The following ZNF148 variants were observed in gnomAD, a reference collection of about 807,000 sequenced individuals.
The protein encoded by ZNF148 is Beta-Enolase Repressor Factor-1.
In ZNF148, 7 loss-of-function variants were observed where a neutral mutation model predicts 67.7. The observed-to-expected ratio is 0.10, with a 90% CI of 0.06 to 0.19. The LOEUF (loss-of-function observed/expected upper bound fraction) is 0.19. Among genes scored for constraint, ZNF148 ranks in the 10% least tolerant of loss-of-function variants. ZNF148 has a pLI of 1.00. For missense variants in ZNF148, 583 were observed against 947.1 expected, an observed-to-expected ratio of 0.62 and a Z score of 5.05; for synonymous variants, 333 against 330.7, an observed-to-expected ratio of 1.01 and a Z score of -0.08.
At chr3:125,345,331 TA>T (rs748722340) in intron 1 of ZNF148, among the ~76,000 whole-genome samples, 21 of 151,988 alleles carry the variant, frequency 1.4e-4, no homozygotes, top group Non-Finnish European at 2.5e-4. Context: ...TAAATATACA[TA>T]AAAATAAATG....
At chr3:125,322,495 A>AAGTT (rs57888379) in intron 3 of ZNF148, among the ~76,000 whole-genome samples, 116,597 of 151,386 alleles carry the variant, frequency 0.77, 45,435 homozygotes, top group African/African-American at 0.85. Context: ...TGACGTGACA[A>AAGTT]AGAGCCAGAG....
At chr3:125,289,885 A>AT (rs1938912651) in intron 4 of ZNF148, among the ~76,000 whole-genome samples, 5 of 152,226 alleles carry the variant, frequency 3.3e-5, no homozygotes, top group Admixed American at 3.3e-4. Context: ...AGTAAAAAAG[A>AT]TTAACACGTA....
chr3:125,350,431 C>CA (rs748961367), intron 1 of ZNF148, among the ~76,000 whole-genome samples: 6 of 152,318 alleles, frequency 3.9e-5, no homozygotes, highest in Non-Finnish European at 7.3e-5. Context: ...TCGGCCTCCC[C>CA]AGGTGCTGGG....
At chr3:125,268,816 C>CA (rs909637399) in intron 7 of ZNF148, among the ~76,000 whole-genome samples, 12 of 151,432 alleles carry the variant, frequency 7.9e-5, no homozygotes, top group South Asian at 6.3e-4. Flanking sequence ...CTGATCTCTA[C>CA]AAAAAAAACT....
intron 1 of ZNF148, among the ~76,000 whole-genome samples, chr3:125,332,780 C>G (rs1941341858): frequency 6.6e-6 from 1 of 152,210 alleles, no homozygotes; most frequent in Non-Finnish European, 1.5e-5. Context: ...CTGCCTGATT[C>G]ATGAATAGTT....
intron 1 of ZNF148, among the ~76,000 whole-genome samples, chr3:125,368,011 A>G (rs1276323975): frequency 2.6e-5 from 4 of 152,226 alleles, no homozygotes; most frequent in Non-Finnish European, 1.5e-5. Context: ...TAGGGCTGCA[A>G]GAGGAATTTG....
chr3:125,294,087 T>C (rs1320425211), intron 4 of ZNF148, among the ~76,000 whole-genome samples: 1 of 152,162 alleles, frequency 6.6e-6, no homozygotes, highest in African/African-American at 2.4e-5. Context: ...ACATCACTTC[T>C]GTGGGTAGTC....
intron 1 of ZNF148, among the ~76,000 whole-genome samples, chr3:125,343,101 G>C (rs992985132): frequency 3.3e-5 from 5 of 152,188 alleles, no homozygotes; most frequent in Non-Finnish European, 5.9e-5. Flanking sequence ...AATTTCTGTA[G>C]AAGATTCATC....
At chr3:125,339,974 G>C (rs1193946513) in intron 1 of ZNF148, among the ~76,000 whole-genome samples, 1 of 152,078 alleles carries the variant, frequency 6.6e-6, no homozygotes, top group Non-Finnish European at 1.5e-5. Context: ...TTCCAGTTCA[G>C]ATAAAATGGC....
chr3:125,249,624 CAA>C (rs1007263858), intron 7 of ZNF148, among the ~76,000 whole-genome samples: 1 of 150,100 alleles, frequency 6.7e-6, no homozygotes, highest in Admixed American at 6.6e-5. Flanking sequence ...CCTAAAAAAA[CAA>C]AAAAAAACTA....
chr3:125,240,113 T>A (rs1936281034), intron 7 of ZNF148, among the ~76,000 whole-genome samples: 1 of 152,238 alleles, frequency 6.6e-6, no homozygotes, highest in African/African-American at 2.4e-5. Flanking sequence ...ACGTTATTTT[T>A]AAATATGCAT....
At chr3:125,348,927 A>G (rs1250845792) in intron 1 of ZNF148, among the ~76,000 whole-genome samples, 1 of 152,164 alleles carries the variant, frequency 6.6e-6, no homozygotes, top group Non-Finnish European at 1.5e-5. Flanking sequence ...CCAGAAATAA[A>G]CCCAGGCATA....
At chr3:125,299,660 T>C (rs952544911) in intron 4 of ZNF148, among the ~76,000 whole-genome samples, 6 of 152,098 alleles carry the variant, frequency 3.9e-5, no homozygotes, top group Non-Finnish European at 8.8e-5. Context: ...GTCAACTCCC[T>C]AAAACAATCT....
chr3:125,360,976 A>G (rs896237986), intron 1 of ZNF148, among the ~76,000 whole-genome samples: 6 of 151,914 alleles, frequency 3.9e-5, no homozygotes, highest in Non-Finnish European at 5.9e-5. Flanking sequence ...GGCTGCAGTG[A>G]GCCATGACTG....
chr3:125,345,785 C>G (rs1941918294), intron 1 of ZNF148, among the ~76,000 whole-genome samples: 1 of 151,880 alleles, frequency 6.6e-6, no homozygotes, highest in South Asian at 2.1e-4. Context: ...TATAAATAAC[C>G]CCATAGCCAT....
chr3:125,322,114 A>G (rs986385828), intron 3 of ZNF148, among the ~76,000 whole-genome samples: 9 of 136,266 alleles, frequency 6.6e-5, no homozygotes, highest in East Asian at 2.1e-4. Context: ...ACTGCAAGCT[A>G]TGCCTCCCAG....
rs755694460 is a variant in ZNF148 at position 125,233,396 on chromosome 3, T to C, written c.1330A>G (p.Ile444Val). The C allele has an allele frequency of 8.1e-6, 13 of 1,613,868 alleles. No homozygotes were observed. The highest frequency in any genetic ancestry group is 2.2e-5 in the East Asian group (1 of 44,886). ...TCCTGCAAATTATCAACCTGATCAATGTCAGCATTGCCTTCTGAGTCCAGT... is the reference window on the plus strand; with the variant it reads ...TCCTGCAAATTATCAACCTGATCAACGTCAGCATTGCCTTCTGAGTCCAGT... The part of the protein sequence containing the change: ...ALLDSEGNAD[I>V]DQVDNLQEGP... The change falls in exon 9 of 9, where the codon ATT becomes GTT. Residue 444 changes from isoleucine to valine, a missense_variant. Ile to Val is a conservative substitution (Grantham distance 29). This residue lies in a region of ZNF148 where 172 missense variants were observed against 307.7 expected (regional missense o/e 0.56). Coordinates refer to ENST00000360647, the MANE Select transcript of ZNF148 (RefSeq NM_021964.3). This position sits in a 1 kb window ranked among gnomAD's most constrained non-coding sequence, Gnocchi z 5.1.
intron 4 of ZNF148, among the ~76,000 whole-genome samples, chr3:125,306,725 T>C (rs902531148): frequency 5.9e-5 from 9 of 152,068 alleles, no homozygotes; most frequent in Non-Finnish European, 1.3e-4. Flanking sequence ...CCTGATGTGA[T>C]GACATGTGTG....
At chr3:125,364,205 C>T (rs979914658) in intron 1 of ZNF148, among the ~76,000 whole-genome samples, 7 of 152,098 alleles carry the variant, frequency 4.6e-5, no homozygotes, top group African/African-American at 1.7e-4. Flanking sequence ...TTGAGAAAAG[C>T]CTGGCCAATA....
Sources: allele counts gnomAD v4.1 joint callset (sites outside exome capture counted in the v4.1 genomes callset), GRCh38; gene constraint gnomAD v4.1.1; regional missense constraint gnomAD v4.1.1; non-coding constraint Gnocchi (gnomAD v3.1); transcripts MANE v1.5; gene names NCBI Gene and HGNC (gene_info 2026-07-23, HGNC 2026-07-21).